Variants in CRACR2A observed in about 807,000 individuals in gnomAD.
CRACR2A encodes EF-hand calcium-binding domain-containing protein 4B.
A neutral mutation model predicts 90.5 loss-of-function variants in CRACR2A; 79 were observed. The ratio of observed to expected loss-of-function variants is 0.87; its 90% CI spans 0.73 to 1.05. The LOEUF (loss-of-function observed/expected upper bound fraction) is 1.05, where lower values mean the gene tolerates loss of function less well. Ranked by LOEUF, CRACR2A falls within the 50% of genes least tolerant of loss-of-function variation. CRACR2A has a pLI of 0.00. For missense variants in CRACR2A, 823 were observed against 897.2 expected, an observed-to-expected ratio of 0.92 and a Z score of 1.06; for synonymous variants, 338 against 356.7, an observed-to-expected ratio of 0.95 and a Z score of 0.59.
chr12:3,737,599 G>A (rs895703821), intron 1 of CRACR2A, among the ~76,000 whole-genome samples: 3 of 152,188 alleles, frequency 2.0e-5, no homozygotes, highest in African/African-American at 7.2e-5. Flanking sequence ...CAACATCTTG[G>A]ACCAGGGCAA....
At chr12:3,646,832 A>G (rs765058331) in intron 11 of CRACR2A, among the ~76,000 whole-genome samples, 17 of 152,188 alleles carry the variant, frequency 1.1e-4, no homozygotes, top group Non-Finnish European at 2.4e-4. Context: ...AGCCATCCCC[A>G]TACAGAAGCC....
At position 3,619,328 on chromosome 12, in the gene CRACR2A, C is replaced by A. The variant is rs764139729; in HGVS notation, c.1977G>T (p.Lys659Asn). 24 of 1,551,576 alleles carry A rather than the reference C, an allele frequency of 1.5e-5. No individual in the cohort carries two copies. The highest frequency in any genetic ancestry group is 2.1e-5 in the Non-Finnish European group (24 of 1,147,010). The change falls in exon 18 of 20, where the codon AAG becomes AAT. Residue 659 changes from lysine to asparagine, a missense_variant. Physicochemically the swap from Lys to Asn is moderately conservative, Grantham distance 94. Coordinates refer to ENST00000440314, the MANE Select transcript of CRACR2A (RefSeq NM_001144958.2). ...CTTCCCGCTCCTTCTCGTTGTCAAG[C>A]TTATTACCCAGCAGAAGAACAGGCA... Reference protein sequence around the residue: ...DRVPVLLLGNKLDNEKEREVP... With the variant: ...DRVPVLLLGNNLDNEKEREVP...
intron 2 of CRACR2A, among the ~76,000 whole-genome samples, chr12:3,717,557 G>A (rs142744717): frequency 1.3e-5 from 2 of 152,232 alleles, no homozygotes; most frequent in South Asian, 4.2e-4. Flanking sequence ...CCGACTGAAC[G>A]ATAACAACAG....
chr12:3,646,190 G>A (rs947259389), intron 11 of CRACR2A, among the ~76,000 whole-genome samples: 4 of 152,220 alleles, frequency 2.6e-5, no homozygotes, highest in South Asian at 4.1e-4. Context: ...TGACTGGGTC[G>A]CAGCGCGACT....
At chr12:3,752,272 G>A (rs1946717456) in intron 1 of CRACR2A, among the ~76,000 whole-genome samples, 1 of 152,146 alleles carries the variant, frequency 6.6e-6, no homozygotes, top group Non-Finnish European at 1.5e-5. Flanking sequence ...TTTCCCACGT[G>A]GCAGGGTACA....
chr12:3,668,723 G>A (rs1320414668), intron 7 of CRACR2A, among the ~76,000 whole-genome samples: 1 of 152,200 alleles, frequency 6.6e-6, no homozygotes, highest in African/African-American at 2.4e-5. Flanking sequence ...AGCTGGGGCT[G>A]CCTGTCAGTC....
Position 3,620,201 on chromosome 12 carries a change from C to T in CRACR2A, c.1933-829G>A, listed in dbSNP as rs190917066. On this transcript the variant is annotated intron_variant, in intron 17 of 19. Transcript: ENST00000440314. The stretch of plus-strand genomic sequence containing the variant: ...CTCTCCTGAGGGCGCCCAAAGGGCC[C>T]GGGACCACCGACTGCCATTCAGTGA... Among the ~76,000 whole-genome samples the T allele has an allele frequency of 5.3e-3, 806 of 152,290 alleles. 6 individuals are homozygous for T. The highest frequency in any genetic ancestry group is 7.8e-3 in the Non-Finnish European group (532 of 68,018).
chr12:3,716,272 T>C (rs971887214), intron 2 of CRACR2A, among the ~76,000 whole-genome samples: 8 of 152,190 alleles, frequency 5.3e-5, no homozygotes, highest in Non-Finnish European at 1.2e-4. Flanking sequence ...CTTGGTTTGA[T>C]TGTGCTTTGT....
Position 3,696,789 on chromosome 12 carries a change from C to A in CRACR2A, c.211G>T (p.Ala71Ser), listed in dbSNP as rs150886385. The A allele has an allele frequency of 1.9e-6, 3 of 1,614,048 alleles. No homozygotes were observed. The highest frequency in any genetic ancestry group is 1.3e-5 in the African/African-American group (1 of 74,918). The change falls in exon 4 of 20, where the codon GCC (alanine) becomes TCC (serine). Residue 71 changes from alanine (A) to serine (S), a missense_variant. Coordinates refer to ENST00000440314, the MANE Select transcript of CRACR2A (RefSeq NM_001144958.2). Reference protein sequence around the residue: ...TCDAEGKGFIARKDMQRLHKE... With the variant: ...TCDAEGKGFISRKDMQRLHKE... ...CCACTTACCTGCATATCCTTCCTGG[C>A]GATGAAGCCCTTGCCTTCAGCATCA...
chr12:3,703,539 A>G (rs947266985), intron 3 of CRACR2A, among the ~76,000 whole-genome samples: 1 of 152,250 alleles, frequency 6.6e-6, no homozygotes, highest in Non-Finnish European at 1.5e-5. Flanking sequence ...ATAACAACAA[A>G]AGTGCAATTC....
intron 3 of CRACR2A, among the ~76,000 whole-genome samples, chr12:3,701,964 T>A (rs1945841615): frequency 6.6e-6 from 1 of 152,154 alleles, no homozygotes; most frequent in Non-Finnish European, 1.5e-5. Flanking sequence ...AAGATGATAA[T>A]CCTGACCAAC....
intron 6 of CRACR2A, among the ~76,000 whole-genome samples, chr12:3,675,015 C>T (rs561211107): frequency 8.5e-5 from 13 of 152,198 alleles, no homozygotes; most frequent in East Asian, 3.9e-4. Flanking sequence ...TATGGAAAAT[C>T]GCTTATGACC....
chr12:3,747,709 G>C (rs1946647169), intron 1 of CRACR2A, among the ~76,000 whole-genome samples: 1 of 152,212 alleles, frequency 6.6e-6, no homozygotes, highest in Admixed American at 6.5e-5. Flanking sequence ...GTTTAAAAGA[G>C]AGTAAAGGAA....
chr12:3,634,283 T>A (rs1160303336), intron 14 of CRACR2A, among the ~76,000 whole-genome samples: 1 of 152,192 alleles, frequency 6.6e-6, no homozygotes, highest in Non-Finnish European at 1.5e-5. Flanking sequence ...CTGGACTAAA[T>A]GGAGGATGCT....
chr12:3,752,869 C>G (rs574015271), intron 1 of CRACR2A, 146 bp downstream of exon 1: 9 of 152,484 alleles, frequency 5.9e-5, no homozygotes, highest in East Asian at 3.9e-4. Flanking sequence ...GCTGTTCCCC[C>G]CCAAGGGCAC....
intron 3 of CRACR2A, among the ~76,000 whole-genome samples, chr12:3,699,811 T>C (rs1227793287): frequency 1.3e-5 from 2 of 152,218 alleles, no homozygotes. Context: ...TACTCACTGA[T>C]CATTGCATGA....
At chr12:3,682,349 A>G (rs573349840) in intron 4 of CRACR2A, among the ~76,000 whole-genome samples, 1 of 152,258 alleles carries the variant, frequency 6.6e-6, no homozygotes, top group Admixed American at 6.5e-5. Context: ...CACTTTTCTC[A>G]TGTTAGCATG....
At position 3,639,908 on chromosome 12, in the gene CRACR2A, A is replaced by G. The variant is rs189548543; in HGVS notation, c.1272-1454T>C. On this transcript the variant is annotated intron_variant, in intron 13 of 19. Coordinates refer to ENST00000440314, the MANE Select transcript of CRACR2A (RefSeq NM_001144958.2). ...AAGCTTATTAAGTGCTTATTTGTTTAAGAACACAATTGGTATTCCCATCTA... is the reference window on the plus strand; with the variant it reads ...AAGCTTATTAAGTGCTTATTTGTTTGAGAACACAATTGGTATTCCCATCTA... 7.9e-4 allele frequency among the ~76,000 whole-genome samples: 121 copies of G among 152,322 alleles called. 4 individuals carry two copies. Among genetic ancestry groups the G allele is most frequent in the Admixed American group, 6.2e-3 (95 of 15,302 alleles).
chr12:3,708,671 G>C (rs564277437), intron 3 of CRACR2A, among the ~76,000 whole-genome samples: 1 of 152,004 alleles, frequency 6.6e-6, no homozygotes, highest in Admixed American at 6.6e-5. Flanking sequence ...GTGATCCGCC[G>C]GCCTCGGCCT....
Sources: allele counts gnomAD v4.1 joint callset (sites outside exome capture counted in the v4.1 genomes callset), GRCh38; gene constraint gnomAD v4.1.1; transcripts MANE v1.5; gene names NCBI Gene and HGNC (gene_info 2026-07-23, HGNC 2026-07-21).